The following FRAS1 variants were observed in gnomAD, a reference collection of about 807,000 sequenced individuals.
The protein encoded by FRAS1 is Fraser extracellular matrix complex subunit 1, also known as extracellular matrix organizing protein FRAS1.
FRAS1 carries 290 observed loss-of-function variants against 435.2 expected under a neutral mutation model. The observed-to-expected ratio is 0.67, with a 90% confidence interval of 0.61 to 0.73. The LOEUF (loss-of-function observed/expected upper bound fraction) is 0.73. Among genes scored for constraint, FRAS1 ranks in the 30% least tolerant of loss-of-function variants. The pLI, the probability that FRAS1 is intolerant of heterozygous loss-of-function variation, is 0.00. For synonymous variants in FRAS1, 1,800 were observed against 1,851.0 expected (o/e 0.97, Z 0.71); for missense variants, 4,860 against 5,001.5 (o/e 0.97, Z 0.85).
intron 6 of FRAS1, among the ~76,000 whole-genome samples, chr4:78,258,198 G>A (rs1263655062): frequency 6.6e-5 from 10 of 152,076 alleles, no homozygotes; most frequent in East Asian, 1.9e-4. Flanking sequence ...AAACTTAGCC[G>A]GACATGATGG....
intron 67 of FRAS1, among the ~76,000 whole-genome samples, chr4:78,520,591 T>C (rs1721356537): frequency 6.6e-6 from 1 of 151,826 alleles, no homozygotes; most frequent in African/African-American, 2.4e-5. Flanking sequence ...TACTCCCTTA[T>C]GCTTTAAATC....
chr4:78,115,189 A>G (rs1396352761), intron 2 of FRAS1, among the ~76,000 whole-genome samples: 2 of 151,270 alleles, frequency 1.3e-5, no homozygotes, highest in African/African-American at 2.4e-5. Context: ...CCACTTGATC[A>G]TGGTGGATAC....
At chr4:78,489,566 T>G (rs1261892018) in intron 59 of FRAS1, among the ~76,000 whole-genome samples, 1 of 152,182 alleles carries the variant, frequency 6.6e-6, no homozygotes, top group African/African-American at 2.4e-5. Flanking sequence ...AGTTTGAACC[T>G]GTGTCATTCA....
At chr4:78,112,514 G>A (rs1033932725) in intron 2 of FRAS1, among the ~76,000 whole-genome samples, 5 of 151,974 alleles carry the variant, frequency 3.3e-5, no homozygotes, top group Admixed American at 1.3e-4. Flanking sequence ...AAACATTAAC[G>A]TGCAACACAA....
intron 16 of FRAS1, 63 bp downstream of exon 16, chr4:78,315,797 G>T: frequency 6.4e-7 from 1 of 1,566,698 alleles, no homozygotes; most frequent in Non-Finnish European, 8.8e-7. Flanking sequence ...ACTATACTTG[G>T]TGTTATATGT....
intron 18 of FRAS1, among the ~76,000 whole-genome samples, chr4:78,322,181 C>T (rs996975303): frequency 3.3e-5 from 5 of 152,174 alleles, no homozygotes; most frequent in Admixed American, 2.0e-4. Flanking sequence ...TGATGTATTT[C>T]CTGTCAGTCA....
intron 26 of FRAS1, chr4:78,379,128 T>A (rs1343717882): frequency 6.5e-6 from 1 of 152,754 alleles, no homozygotes; most frequent in African/African-American, 2.4e-5. Flanking sequence ...TTATTTAACA[T>A]TTTTAAGAAA....
rs1033643355 is a variant in FRAS1, at chr4:78,323,834, A to T, written c.2137+4848A>T. On this transcript the variant is annotated intron_variant, in intron 18 of 73. Transcript: ENST00000512123. Reference sequence around the variant, plus strand: ...CTGATTCTTCTTCTACTATGGTTGAAGGATTTTTTTTTTCTTCTAAAAGGT... The same window carrying T: ...CTGATTCTTCTTCTACTATGGTTGATGGATTTTTTTTTTCTTCTAAAAGGT... 4.6e-5 allele frequency among the ~76,000 whole-genome samples: 7 copies of T among 152,190 alleles called. No individual in the cohort carries two copies. The East Asian group carries it at 1.3e-3, about 29-fold the overall frequency.
chr4:78,387,843 A>G lies in FRAS1; in HGVS notation c.3975+142A>G, dbSNP rs1279545658. 14 of 541,954 alleles carry G rather than the reference A, an allele frequency of 2.6e-5. No homozygotes were observed. The East Asian group carries it at 4.0e-4, about 15-fold the overall frequency. The allele number at this position is 541,954 out of a possible 1,614,324, so 33.6% of individuals were successfully genotyped here. A position where few individuals can be genotyped will look rare whatever the true frequency, so the allele number is the denominator to read the frequency against. Reference sequence around the variant, plus strand: ...TATAACCTATTATATAGAGGGCACTATATATCTAGTTAGGAGCACCCTTGA... The same window carrying G: ...TATAACCTATTATATAGAGGGCACTGTATATCTAGTTAGGAGCACCCTTGA... On this transcript the variant is annotated intron_variant, in intron 29 of 73. Coordinates refer to ENST00000512123, the MANE Select transcript of FRAS1 (RefSeq NM_025074.7).
chr4:78,077,264 G>T (rs1740684837), intron 2 of FRAS1, among the ~76,000 whole-genome samples: 2 of 152,050 alleles, frequency 1.3e-5, no homozygotes, highest in Non-Finnish European at 1.5e-5. Flanking sequence ...CAGCTACTTG[G>T]GCGGCTGAGG....
At chr4:78,329,588 T>C (rs1187370655) in intron 18 of FRAS1, among the ~76,000 whole-genome samples, 1 of 152,222 alleles carries the variant, frequency 6.6e-6, no homozygotes, top group Non-Finnish European at 1.5e-5. Flanking sequence ...TAATTAATGA[T>C]TTAAGACAGT....
At chr4:78,488,129 T>A (rs530086932) in intron 58 of FRAS1, among the ~76,000 whole-genome samples, 3 of 152,102 alleles carry the variant, frequency 2.0e-5, no homozygotes, top group Admixed American at 6.6e-5. Flanking sequence ...CGAGACTCCG[T>A]CTCAAAAAAA....
At chr4:78,533,438 G>A (rs1721782055) in intron 70 of FRAS1, among the ~76,000 whole-genome samples, 1 of 152,248 alleles carries the variant, frequency 6.6e-6, no homozygotes, top group South Asian at 2.1e-4. Flanking sequence ...GGAAGGGGAA[G>A]AGTAGCTGGA....
At chr4:78,138,934 C>T (rs1449193728) in intron 2 of FRAS1, among the ~76,000 whole-genome samples, 2 of 152,070 alleles carry the variant, frequency 1.3e-5, no homozygotes, top group African/African-American at 4.8e-5. Flanking sequence ...AGTTCTGGCA[C>T]CTGGGATTAA....
intron 38 of FRAS1, among the ~76,000 whole-genome samples, chr4:78,436,283 T>A (rs943516222): frequency 6.6e-6 from 1 of 152,136 alleles, no homozygotes; most frequent in East Asian, 1.9e-4. Context: ...TCATTAGTGG[T>A]CAGGGAAAGC....
At chr4:78,447,999 A>G (rs1718905404) in intron 43 of FRAS1, 54 bp from the exon 44 acceptor site, 2 of 1,433,852 alleles carry the variant, frequency 1.4e-6, no homozygotes, top group Admixed American at 2.4e-5. Context: ...GTTTTGAATC[A>G]TATATATATG....
intron 2 of FRAS1, among the ~76,000 whole-genome samples, chr4:78,089,874 C>G (rs576139925): frequency 3.4e-4 from 24 of 71,558 alleles, no homozygotes; most frequent in African/African-American, 8.1e-4. Context: ...AAACCTAGTA[C>G]CCAATAGTTA....
intron 2 of FRAS1, among the ~76,000 whole-genome samples, chr4:78,178,617 T>A (rs1721873304): frequency 6.6e-6 from 1 of 152,210 alleles, no homozygotes; most frequent in South Asian, 2.1e-4. Flanking sequence ...ATTTGCAAAA[T>A]GACACTCACC....
At chr4:78,455,496 A>G (rs1306992078) in intron 47 of FRAS1, among the ~76,000 whole-genome samples, 1 of 152,102 alleles carries the variant, frequency 6.6e-6, no homozygotes, top group Non-Finnish European at 1.5e-5. Flanking sequence ...GCACCAAGAT[A>G]TTTATTTGGG....
Sources: allele counts gnomAD v4.1 joint callset (sites outside exome capture counted in the v4.1 genomes callset), GRCh38; gene constraint gnomAD v4.1.1; transcripts MANE v1.5; gene names NCBI Gene and HGNC (gene_info 2026-07-23, HGNC 2026-07-21).